The following PPP6R3 variants were observed in gnomAD, a reference collection of about 807,000 sequenced individuals.
The protein encoded by PPP6R3 is serine/threonine-protein phosphatase 6 regulatory subunit 3.
In PPP6R3, 38 loss-of-function variants were observed where a neutral mutation model predicts 110.7. The ratio of observed to expected loss-of-function variants is 0.34; its 90% CI spans 0.26 to 0.45. The LOEUF (loss-of-function observed/expected upper bound fraction) is 0.45, where lower values mean the gene tolerates loss of function less well. Among genes scored for constraint, PPP6R3 ranks in the 20% least tolerant of loss-of-function variants. PPP6R3 has a pLI of 1.00. For synonymous variants in PPP6R3, 369 were observed against 373.5 expected, an observed-to-expected ratio of 0.99 and a Z score of 0.14; for missense variants, 870 against 1,062.4, an observed-to-expected ratio of 0.82 and a Z score of 2.52.
In PPP6R3 at chr11:68,580,746, CTTTTTTTTTTTTTTTTTTTTTTTTTTTTT is replaced by C. The variant is rs71043441; in HGVS notation, c.1546-2282_1546-2254del. On this transcript the variant is annotated intron_variant, in intron 14 of 23. Coordinates refer to ENST00000393800, the MANE Select transcript of PPP6R3 (RefSeq NM_001164161.2). ...CAAGTTTCCCCCATGGGTAAATAAT[CTTTTTTTTTTTTTTTTTTTTTTTTTTTTT>C]TTTTTTTTTTTTTTGAGACAGAGTC... Among the ~76,000 whole-genome samples, 5 of 67,528 alleles carry C rather than the reference CTTTTTTTTTTTTTTTTTTTTTTTTTTTTT, an allele frequency of 7.4e-5. No homozygotes were observed. In the South Asian group the frequency reaches 3.1e-3, roughly 42 times the overall value. 44.3% of individuals were successfully genotyped at this position (67,528 alleles called of 152,430 possible). A position where few individuals can be genotyped will look rare whatever the true frequency, so the allele number is the denominator to read the frequency against.
At chr11:68,610,071 C>T (rs965027638) in intron 23 of PPP6R3, 48 bp downstream of exon 23, 159 of 1,597,588 alleles carry the variant, frequency 1.0e-4, no homozygotes, top group Non-Finnish European at 1.3e-4. Context: ...CCTGACCTTG[C>T]CTGTTGCTTC....
At chr11:68,516,658 G>A (rs1293114408) in intron 1 of PPP6R3, among the ~76,000 whole-genome samples, 1 of 152,140 alleles carries the variant, frequency 6.6e-6, no homozygotes, top group Non-Finnish European at 1.5e-5. Flanking sequence ...ATGAACACAG[G>A]TACACAAATA....
chr11:68,613,530 AT>A lies in PPP6R3; in HGVS notation c.*418del. 1.0e-6 allele frequency: 1 copy of A among 987,480 alleles called. No individual in the cohort carries two copies. Among genetic ancestry groups the A allele is most frequent in the Non-Finnish European group, 1.2e-6 (1 of 831,080 alleles). The allele number at this position is 987,480 out of a possible 1,614,324, so 61.2% of individuals were successfully genotyped here. Reference sequence around the variant, plus strand: ...CCAAAGTATTAGGCGGTTTTCATACATTTTTCACCTTGTACAAAATTATGAA... The same window carrying A: ...CCAAAGTATTAGGCGGTTTTCATACATTTTCACCTTGTACAAAATTATGAA... On this transcript the variant is annotated 3_prime_UTR_variant, in exon 24 of 24. Coordinates refer to ENST00000393800, the MANE Select transcript of PPP6R3 (RefSeq NM_001164161.2).
intron 22 of PPP6R3, among the ~76,000 whole-genome samples, chr11:68,609,216 C>T (rs1336716386): frequency 6.6e-6 from 1 of 152,192 alleles, no homozygotes; most frequent in African/African-American, 2.4e-5. Flanking sequence ...AACAGTCCTT[C>T]TGGGTCTCAT....
At position 68,555,519 on chromosome 11, in the gene PPP6R3, T is replaced by C. The variant is rs73504461; in HGVS notation, c.731+1262T>C. Reference sequence around the variant, plus strand: ...ATTTTGGGTGCTTGATAGCCACATGTAGTGAATGGCTCCCATAGTAGACAG... The same window carrying C: ...ATTTTGGGTGCTTGATAGCCACATGCAGTGAATGGCTCCCATAGTAGACAG... On this transcript the variant is annotated intron_variant, in intron 7 of 23. Coordinates refer to ENST00000393800, the MANE Select transcript of PPP6R3 (RefSeq NM_001164161.2). Among the ~76,000 whole-genome samples the C allele has an allele frequency of 9.0e-3, 1,374 of 152,330 alleles. 20 individuals are homozygous for C. Among genetic ancestry groups the C allele is most frequent in the African/African-American group, 0.032 (1,314 of 41,574 alleles).
intron 1 of PPP6R3, among the ~76,000 whole-genome samples, chr11:68,512,647 T>G (rs2099116517): frequency 6.6e-6 from 1 of 152,174 alleles, no homozygotes; most frequent in South Asian, 2.1e-4. Flanking sequence ...TGACAATAGG[T>G]GGACTTGTGG....
chr11:68,614,427 T>C lies in PPP6R3; in HGVS notation c.*1310T>C. ...TAGATGCAAATCAGTTTTTCATTTCTGTAATAGAAAATTATTCACGTATTT... is the reference window on the plus strand; with the variant it reads ...TAGATGCAAATCAGTTTTTCATTTCCGTAATAGAAAATTATTCACGTATTT... On this transcript the variant is annotated 3_prime_UTR_variant, in exon 24 of 24. Transcript: ENST00000393800. The C allele has an allele frequency of 7.5e-7, 1 of 1,325,760 alleles. No individual in the cohort carries two copies. The highest frequency in any genetic ancestry group is 9.6e-7 in the Non-Finnish European group (1 of 1,041,592). 82.1% of individuals were successfully genotyped at this position (1,325,760 alleles called of 1,614,324 possible).
chr11:68,525,332 C>G (rs1221136550), intron 2 of PPP6R3, among the ~76,000 whole-genome samples: 1 of 152,084 alleles, frequency 6.6e-6, no homozygotes, highest in Non-Finnish European at 1.5e-5. Context: ...GTTGCAGTGT[C>G]CAGACAGTTA....
At chr11:68,593,521 A>T (rs2099602012) in intron 18 of PPP6R3, among the ~76,000 whole-genome samples, 1 of 152,246 alleles carries the variant, frequency 6.6e-6, no homozygotes, top group African/African-American at 2.4e-5. Context: ...GCATACTGTA[A>T]ACCCTAAAAT....
In PPP6R3 at chr11:68,614,786, T is replaced by C. The variant is rs1236649159; in HGVS notation, c.*1669T>C. 18 of 1,529,332 alleles carry C rather than the reference T, an allele frequency of 1.2e-5. No individual in the cohort carries two copies. The East Asian group carries it at 4.4e-4, about 38-fold the overall frequency. The allele number at this position is 1,529,332 out of a possible 1,614,324, so 94.7% of individuals were successfully genotyped here. A position where few individuals can be genotyped will look rare whatever the true frequency, so the allele number is the denominator to read the frequency against. On this transcript the variant is annotated 3_prime_UTR_variant, in exon 24 of 24. Transcript: ENST00000393800. ...GAAGAGACTGTCCTTGGGCCTCCTC[T>C]GGAAGCAGCACCCCCAGAGGACAGG...
rs1944390899 is a variant in PPP6R3 at position 68,613,084 on chromosome 11, A to G, written c.2589A>G (p.Ala863=). Residue 863 remains alanine, a synonymous_variant, in exon 24 of 24, where the codon GCA becomes GCG. Coordinates refer to ENST00000393800, the MANE Select transcript of PPP6R3 (RefSeq NM_001164161.2). ...SPEQRTGQPS[A]PGDTSVNGPV ...TCCTTAGGACTGGCCAACCAAGCGC[A>G]CCAGGTGACACTTCAGTGAATGGCC... is the stretch of plus-strand genomic sequence containing the variant. The G allele has an allele frequency of 1.9e-6, 3 of 1,613,994 alleles. No homozygotes were observed. The highest frequency in any genetic ancestry group is 2.2e-5 in the East Asian group (1 of 44,890).
chr11:68,531,937 A>G (rs1418492439), intron 2 of PPP6R3, among the ~76,000 whole-genome samples: 1 of 152,220 alleles, frequency 6.6e-6, no homozygotes, highest in Non-Finnish European at 1.5e-5. Context: ...TGATGAAAAC[A>G]AAGGGTTGTA....
chr11:68,499,626 T>C (rs2099037500), intron 1 of PPP6R3, among the ~76,000 whole-genome samples: 1 of 152,120 alleles, frequency 6.6e-6, no homozygotes, highest in African/African-American at 2.4e-5. Flanking sequence ...TGGAGTGCAG[T>C]GGTGCGATCA....
At chr11:68,541,945 C>T (rs1199871113) in intron 3 of PPP6R3, among the ~76,000 whole-genome samples, 1 of 151,912 alleles carries the variant, frequency 6.6e-6, no homozygotes, top group Non-Finnish European at 1.5e-5. Context: ...AGCCTGGAGG[C>T]AAGCAGAGAC....
At chr11:68,571,692 G>A (rs2099508182) in intron 12 of PPP6R3, among the ~76,000 whole-genome samples, 1 of 152,202 alleles carries the variant, frequency 6.6e-6, no homozygotes, top group African/African-American at 2.4e-5. Context: ...AAGCCTTTAT[G>A]TCACCCCGTA....
In PPP6R3 at chr11:68,510,011, T is replaced by G. The variant is rs563453268; in HGVS notation, c.-157-9490T>G. Among the ~76,000 whole-genome samples the G allele has an allele frequency of 8.2e-5, 12 of 146,366 alleles. No individual in the cohort carries two copies. In the East Asian group the frequency reaches 2.0e-3, roughly 25 times the overall value. On this transcript the variant is annotated intron_variant, in intron 1 of 23. Coordinates refer to ENST00000393800, the MANE Select transcript of PPP6R3 (RefSeq NM_001164161.2). ...GAGGTGATCCACCTGATTTGGCACC[T>G]CCCAAAGTGCTGGGATTACAGGTGT...
At chr11:68,563,992 T>G (rs1047260484) in intron 8 of PPP6R3, among the ~76,000 whole-genome samples, 2 of 152,182 alleles carry the variant, frequency 1.3e-5, no homozygotes, top group African/African-American at 4.8e-5. Context: ...TCCCTTTCGC[T>G]TTCCAAATTT....
At chr11:68,598,594 GC>G (rs534525917) in intron 19 of PPP6R3, among the ~76,000 whole-genome samples, 134 of 152,302 alleles carry the variant, frequency 8.8e-4, no homozygotes, top group African/African-American at 3.0e-3. Flanking sequence ...CTACAGGGTT[GC>G]CCCAGAGAGC....
In PPP6R3 at chr11:68,542,389, G is replaced by GTTTTTTTTTTTTTTTTTTTTTTTT. The variant is rs34666175; in HGVS notation, c.228-2427_228-2426insTTTTTTTTTTTTTTTTTTTTTTTT. Among the ~76,000 whole-genome samples, 11 of 40,206 alleles carry GTTTTTTTTTTTTTTTTTTTTTTTT rather than the reference G, an allele frequency of 2.7e-4. 3 individuals are homozygous for GTTTTTTTTTTTTTTTTTTTTTTTT. The highest frequency in any genetic ancestry group is 8.3e-4 in the African/African-American group (8 of 9,640). 26.4% of individuals were successfully genotyped at this position (40,206 alleles called of 152,430 possible). A position where few individuals can be genotyped will look rare whatever the true frequency, so the allele number is the denominator to read the frequency against. On this transcript the variant is annotated intron_variant, in intron 3 of 23. Coordinates refer to ENST00000393800, the MANE Select transcript of PPP6R3 (RefSeq NM_001164161.2). ...ATCTTTGGGTGCTTGAGAAGCTGCT[G>GTTTTTTTTTTTTTTTTTTTTTTTT]TTTTTTTTTTTTTTTTTTTTTTAAG...
Sources: gnomAD v4.1 joint callset for allele counts (sites outside exome capture counted in the v4.1 genomes callset) on GRCh38, gnomAD v4.1.1 for gene constraint, MANE v1.5 for transcripts, NCBI Gene and HGNC (gene_info 2026-07-23, HGNC 2026-07-21) for gene names.